Variants in FMNL3 observed in about 807,000 individuals in gnomAD.
FMNL3 encodes the protein formin like 3.
A neutral mutation model predicts 119.6 loss-of-function variants in FMNL3; 57 were observed. The ratio of observed to expected loss-of-function variants is 0.48; its 90% CI spans 0.39 to 0.59. The LOEUF (loss-of-function observed/expected upper bound fraction) is 0.59. Ranked by LOEUF, FMNL3 falls within the 20% of genes least tolerant of loss-of-function variation. FMNL3 has a pLI of 0.00. For synonymous variants in FMNL3, 491 were observed against 507.3 expected (o/e 0.97, Z 0.43); for missense variants, 1,053 against 1,323.5 (o/e 0.80, Z 3.17).
chr12:49,666,027 T>G, intron 3 of FMNL3, 100 bp downstream of exon 3: 1 of 1,537,944 alleles, frequency 6.5e-7, no homozygotes, highest in Non-Finnish European at 9.0e-7. Context: ...CTCCCAATGC[T>G]CAGAAACAGA....
Position 49,657,219 on chromosome 12 carries a change from G to T in FMNL3, c.606-29C>A, listed in dbSNP as rs578163854. 1.7e-5 allele frequency: 26 copies of T among 1,566,992 alleles called. No homozygotes were observed. The East Asian group carries it at 4.7e-4, about 28-fold the overall frequency. ...GGGAGATGGGCCAGGCAGTCAGGTG[G>T]GAGCTGAGGCTGCCAGTGAAGCATC... On this transcript the variant is annotated intron_variant, in intron 6 of 25. Transcript: ENST00000335154.
intron 5 of FMNL3, among the ~76,000 whole-genome samples, chr12:49,661,461 C>T (rs562001561): frequency 2.0e-5 from 3 of 151,602 alleles, no homozygotes; most frequent in South Asian, 2.1e-4. Context: ...TCCAAGCCCC[C>T]CTGCCTGCTA....
intron 1 of FMNL3, among the ~76,000 whole-genome samples, chr12:49,703,227 G>A (rs1273290634): frequency 2.0e-5 from 3 of 152,150 alleles, no homozygotes; most frequent in African/African-American, 7.2e-5. Context: ...TCCTTTCAAA[G>A]ACCTTAGAGC....
At position 49,639,587 on chromosome 12, in the gene FMNL3, G is replaced by A. The variant is rs564183205; in HGVS notation, c.*6228C>T. 2 of 152,272 alleles carry A rather than the reference G, an allele frequency of 1.3e-5. No homozygotes were observed. The highest frequency in any genetic ancestry group is 2.9e-5 in the Non-Finnish European group (2 of 68,012). The allele number at this position is 152,272 out of a possible 1,614,324, so 9.4% of individuals were successfully genotyped here. A position where few individuals can be genotyped will look rare whatever the true frequency, so the allele number is the denominator to read the frequency against. ...GTTGGAGTTGAGTATGGGGGGATTT[G>A]GTGCTGCTTCCTGTTTTCAAGTGAA... On this transcript the variant is annotated 3_prime_UTR_variant, in exon 26 of 26. Coordinates refer to ENST00000335154, the MANE Select transcript of FMNL3 (RefSeq NM_175736.5).
Position 49,651,379 on chromosome 12 carries a change from C to G in FMNL3, c.1672+3G>C. 1 of 1,566,996 alleles carries G rather than the reference C, an allele frequency of 6.4e-7. No homozygotes were observed. Among genetic ancestry groups the G allele is most frequent in the Non-Finnish European group, 8.7e-7 (1 of 1,148,908 alleles). ...CCCTGCCCAGAGCCCTGGGGATACT[C>G]ACCTGACAGGCCCACTGTCAACACC... On this transcript the variant is annotated splice_donor_region_variant and intron_variant, in intron 15 of 25. Coordinates refer to ENST00000335154, the MANE Select transcript of FMNL3 (RefSeq NM_175736.5).
rs1942190088 is a variant in FMNL3 at position 49,638,696 on chromosome 12, TG to T, written c.*7118del. ...ACAGTACAGTGGTTAGGAGCGGGACTGGAGGCAGACTGCCTACAGTAAAAGT... is the reference window on the plus strand; with the variant it reads ...ACAGTACAGTGGTTAGGAGCGGGACTGAGGCAGACTGCCTACAGTAAAAGT... On this transcript the variant is annotated 3_prime_UTR_variant, in exon 26 of 26. Transcript: ENST00000335154. The T allele has an allele frequency of 6.6e-6, 1 of 152,236 alleles. No individual in the cohort carries two copies. The highest frequency in any genetic ancestry group is 1.5e-5 in the Non-Finnish European group (1 of 68,042). 9.4% of individuals were successfully genotyped at this position (152,236 alleles called of 1,614,324 possible).
Position 49,642,007 on chromosome 12 carries a change from A to G in FMNL3, c.*3808T>C, listed in dbSNP as rs1025312356. 5 of 1,613,154 alleles carry G rather than the reference A, an allele frequency of 3.1e-6. No homozygotes were observed. Among genetic ancestry groups the G allele is most frequent in the Non-Finnish European group, 4.2e-6 (5 of 1,180,026 alleles). Reference sequence around the variant, plus strand: ...TGCCGCACTGGACGCAGGCAACATCAAGCTGACCTTCAATAGTGTGAGGGG... The same window carrying G: ...TGCCGCACTGGACGCAGGCAACATCGAGCTGACCTTCAATAGTGTGAGGGG... On this transcript the variant is annotated 3_prime_UTR_variant, in exon 26 of 26. Transcript: ENST00000335154. This position sits in a 1 kb window ranked among gnomAD's most constrained non-coding sequence, Gnocchi z 5.8.
chr12:49,699,870 T>C (rs185346788), intron 1 of FMNL3, among the ~76,000 whole-genome samples: 1 of 152,316 alleles, frequency 6.6e-6, no homozygotes. Context: ...AAAACATTAA[T>C]TCACTCAGTA....
intron 1 of FMNL3, among the ~76,000 whole-genome samples, 176 bp from the exon 2 acceptor site, chr12:49,668,730 G>C (rs1247748206): frequency 6.6e-6 from 1 of 152,068 alleles, no homozygotes; most frequent in African/African-American, 2.4e-5. Context: ...TTCATGTTTG[G>C]TTGAGCAATG....
At chr12:49,680,524 C>T (rs188965568) in intron 1 of FMNL3, among the ~76,000 whole-genome samples, 5 of 152,326 alleles carry the variant, frequency 3.3e-5, no homozygotes, top group South Asian at 2.1e-4. Context: ...TCCCCTCTCA[C>T]GCTTTGAAGG....
At chr12:49,681,283 C>T (rs1944326655) in intron 1 of FMNL3, among the ~76,000 whole-genome samples, 1 of 152,224 alleles carries the variant, frequency 6.6e-6, no homozygotes, top group Non-Finnish European at 1.5e-5. Context: ...TCACTGCAAG[C>T]TCCGCCTCCC....
Position 49,651,974 on chromosome 12 carries a change from G to A in FMNL3, c.1562C>T (p.Pro521Leu). Reference protein sequence around the residue: ...PPEEVLPLPPPPAPPLPPPPP... With the variant: ...PPEEVLPLPPLPAPPLPPPPP... ...TGGAGGGGGCAAGGGCGGAGCTGGT[G>A]GTGGAGGAAGAGGCAGGACCTCCTC... The change falls in exon 14 of 26, where the codon CCA (proline) becomes CTA (leucine). Residue 521 changes from proline to leucine, a missense_variant. Pro to Leu is a moderately conservative substitution (Grantham distance 98). This residue lies in a region of FMNL3 where 445 missense variants were observed against 628.4 expected (regional missense o/e 0.71). Coordinates refer to ENST00000335154, the MANE Select transcript of FMNL3 (RefSeq NM_175736.5). The A allele has an allele frequency of 1.2e-6, 2 of 1,606,362 alleles. No homozygotes were observed. Among genetic ancestry groups the A allele is most frequent in the Non-Finnish European group, 1.7e-6 (2 of 1,176,120 alleles).
chr12:49,659,476 T>A (rs1164849942), intron 5 of FMNL3, among the ~76,000 whole-genome samples: 1 of 152,140 alleles, frequency 6.6e-6, no homozygotes, highest in Non-Finnish European at 1.5e-5. Flanking sequence ...AGTGGCACAG[T>A]CATGGCTCAC....
chr12:49,637,039 C>G lies in FMNL3; in HGVS notation c.*8776G>C, dbSNP rs765190928. On this transcript the variant is annotated 3_prime_UTR_variant, in exon 26 of 26. Transcript: ENST00000335154. ...CTCCTCAATTCTGGACTGTGCTCTT[C>G]TAGGGAGACTAGATGTATGCACCAC... 1.3e-4 allele frequency: 111 copies of G among 840,198 alleles called. No individual in the cohort carries two copies. The highest frequency in any genetic ancestry group is 1.9e-4 in the Non-Finnish European group (103 of 550,534). 52.0% of individuals were successfully genotyped at this position (840,198 alleles called of 1,614,324 possible). A position where few individuals can be genotyped will look rare whatever the true frequency, so the allele number is the denominator to read the frequency against.
chr12:49,675,343 A>G (rs1487945443), intron 1 of FMNL3, among the ~76,000 whole-genome samples: 1 of 152,148 alleles, frequency 6.6e-6, no homozygotes, highest in East Asian at 1.9e-4. Context: ...CACACTCCCC[A>G]GTTACGCAGA....
intron 9 of FMNL3, among the ~76,000 whole-genome samples, chr12:49,655,346 C>G (rs780711455): frequency 6.6e-6 from 1 of 152,158 alleles, no homozygotes; most frequent in African/African-American, 2.4e-5. Flanking sequence ...GCAGAAGAAT[C>G]GCTTGAACCT....
intron 1 of FMNL3, among the ~76,000 whole-genome samples, chr12:49,690,123 G>A (rs1467010303): frequency 6.6e-6 from 1 of 152,212 alleles, no homozygotes; most frequent in African/African-American, 2.4e-5. Context: ...ATAAAATACA[G>A]CACAGAGTCT....
chr12:49,681,874 C>T (rs1025039143), intron 1 of FMNL3, among the ~76,000 whole-genome samples: 2 of 151,782 alleles, frequency 1.3e-5, no homozygotes, highest in African/African-American at 4.8e-5. Flanking sequence ...AGTTATGAAA[C>T]TTCTTTGAAC....
intron 10 of FMNL3, 47 bp downstream of exon 10, chr12:49,654,863 C>T (rs778049625): frequency 6.3e-6 from 10 of 1,577,122 alleles, no homozygotes; most frequent in Non-Finnish European, 8.7e-6. Flanking sequence ...AAGGAACACA[C>T]ACACAGCCCT....
Sources: gnomAD v4.1 joint callset for allele counts (sites outside exome capture counted in the v4.1 genomes callset) on GRCh38, gnomAD v4.1.1 for gene constraint, gnomAD v4.1.1 regional missense constraint, Gnocchi (gnomAD v3.1) non-coding constraint, MANE v1.5 for transcripts, NCBI Gene and HGNC (gene_info 2026-07-23, HGNC 2026-07-21) for gene names.